STK32B: variants seen among roughly 807,000 people sequenced by gnomAD.
STK32B encodes serine/threonine-protein kinase 32B.
A neutral mutation model predicts 52.6 loss-of-function variants in STK32B; 43 were observed. That is an observed-to-expected ratio of 0.82 (90% confidence interval 0.64 to 1.05). STK32B has a LOEUF of 1.05. STK32B is among the 50% of genes least tolerant of loss of function. The pLI, the probability that STK32B is intolerant of heterozygous loss-of-function variation, is 0.00. For synonymous variants in STK32B, 238 were observed against 204.3 expected (o/e 1.17, Z -1.41); for missense variants, 621 against 534.6 (o/e 1.16, Z -1.59).
At chr4:5,337,983 G>A (rs1372243290) in intron 4 of STK32B, among the ~76,000 whole-genome samples, 1 of 152,162 alleles carries the variant, frequency 6.6e-6, no homozygotes, top group Non-Finnish European at 1.5e-5. Context: ...TCCAGGGAAA[G>A]CCTGGAGTTT....
intron 11 of STK32B, among the ~76,000 whole-genome samples, chr4:5,481,887 A>T (rs967915482): frequency 6.6e-6 from 1 of 152,126 alleles, no homozygotes. Context: ...CAAAGATCCG[A>T]TGGTTGTAGA....
chr4:5,491,218 C>G (rs988993732), intron 11 of STK32B, among the ~76,000 whole-genome samples: 1 of 152,202 alleles, frequency 6.6e-6, no homozygotes, highest in African/African-American at 2.4e-5. Flanking sequence ...TATTTCTCCA[C>G]ATCCTCTCCA....
chr4:5,190,199 G>C (rs17733735), intron 3 of STK32B, among the ~76,000 whole-genome samples: 1 of 152,076 alleles, frequency 6.6e-6, no homozygotes, highest in Non-Finnish European at 1.5e-5. Context: ...TCTGATTCAG[G>C]GTAAGTTTGT....
the STK32B span, among the ~76,000 whole-genome samples, chr4:5,021,698 C>G: frequency 6.6e-6 from 1 of 152,168 alleles, no homozygotes; most frequent in African/African-American, 2.4e-5. Context: ...CTTGTTCCAC[C>G]CGCAATACCG....
At chr4:5,314,753 A>G (rs1730550449) in intron 3 of STK32B, among the ~76,000 whole-genome samples, 1 of 152,188 alleles carries the variant, frequency 6.6e-6, no homozygotes, top group South Asian at 2.1e-4. Flanking sequence ...CATAGGAGAA[A>G]ATAGATAGAA....
intron 3 of STK32B, among the ~76,000 whole-genome samples, chr4:5,196,390 T>A (rs2108770534): frequency 6.6e-6 from 1 of 150,810 alleles, no homozygotes; most frequent in South Asian, 2.1e-4. Context: ...ATAGTTTTGT[T>A]CTGAACGTAT....
At chr4:5,064,352 A>G (rs1459010745) in intron 1 of STK32B, among the ~76,000 whole-genome samples, 1 of 138,624 alleles carries the variant, frequency 7.2e-6, no homozygotes, top group Non-Finnish European at 1.5e-5. Context: ...TAATTATATT[A>G]CATAAATATA....
At chr4:5,306,077 A>G (rs73089464) in intron 3 of STK32B, among the ~76,000 whole-genome samples, 3,513 of 152,204 alleles carry the variant, frequency 0.023, 123 homozygotes, top group African/African-American at 0.08. Context: ...AGTCCTTGCT[A>G]TAATTTTGAC....
chr4:5,354,809 A>G (rs1355735231), intron 4 of STK32B, among the ~76,000 whole-genome samples: 1 of 152,228 alleles, frequency 6.6e-6, no homozygotes, highest in African/African-American at 2.4e-5. Context: ...TACCCCATAA[A>G]TAGGTCAAAT....
At chr4:5,404,099 TG>T (rs1365502208) in intron 5 of STK32B, among the ~76,000 whole-genome samples, 2 of 152,096 alleles carry the variant, frequency 1.3e-5, no homozygotes, top group Non-Finnish European at 2.9e-5. Flanking sequence ...TGTGAGACAC[TG>T]AGGACACCAG....
At chr4:5,392,316 C>T (rs1400705289) in intron 4 of STK32B, among the ~76,000 whole-genome samples, 8 of 152,042 alleles carry the variant, frequency 5.3e-5, no homozygotes, top group African/African-American at 1.9e-4. Flanking sequence ...ATCCCAGCTA[C>T]TTGGGAAGCT....
intron 3 of STK32B, among the ~76,000 whole-genome samples, chr4:5,176,178 G>T (rs1004737119): frequency 6.6e-6 from 1 of 152,168 alleles, no homozygotes; most frequent in African/African-American, 2.4e-5. Context: ...GGAGTGACCC[G>T]ATTTTCCAGG....
At chr4:5,174,530 G>C (rs933558864) in intron 3 of STK32B, among the ~76,000 whole-genome samples, 3 of 152,180 alleles carry the variant, frequency 2.0e-5, no homozygotes, top group African/African-American at 7.2e-5. Context: ...TTGTTTGTCT[G>C]TGAATTATTT....
At chr4:5,257,117 G>A (rs1346676386) in intron 3 of STK32B, among the ~76,000 whole-genome samples, 4 of 152,176 alleles carry the variant, frequency 2.6e-5, no homozygotes, top group African/African-American at 9.7e-5. Flanking sequence ...ACAAGTGAAC[G>A]TGAGGGTGAA....
At chr4:5,176,387 G>A (rs932694327) in intron 3 of STK32B, among the ~76,000 whole-genome samples, 11 of 150,272 alleles carry the variant, frequency 7.3e-5, no homozygotes, top group African/African-American at 1.5e-4. Context: ...GGTCTTCTGC[G>A]TTGCTTACAT....
chr4:5,424,049 C>T (rs1032284293), intron 6 of STK32B, among the ~76,000 whole-genome samples: 6 of 152,246 alleles, frequency 3.9e-5, no homozygotes, highest in Admixed American at 1.3e-4. Flanking sequence ...TGCCTGGACT[C>T]GCCCTGCTCC....
intron 1 of STK32B, among the ~76,000 whole-genome samples, chr4:5,074,188 A>ATATATGTGTGTGTGTGTGTGTGTG (rs375845988): frequency 9.3e-4 from 139 of 148,896 alleles, no homozygotes; most frequent in African/African-American, 2.7e-3. Context: ...AAATATATAT[A>ATATATGTGTGTGTGTGTGTGTGTG]TGTGTGTGTG....
chr4:5,210,645 G>A (rs1159567147), intron 3 of STK32B, among the ~76,000 whole-genome samples: 7 of 152,080 alleles, frequency 4.6e-5, no homozygotes, highest in Non-Finnish European at 1.0e-4. Context: ...ACTGTTATGA[G>A]CCCTGCCCTA....
intron 4 of STK32B, among the ~76,000 whole-genome samples, chr4:5,334,159 G>A (rs1732467380): frequency 6.6e-6 from 1 of 151,894 alleles, no homozygotes; most frequent in Non-Finnish European, 1.5e-5. Flanking sequence ...TCATTGAGCA[G>A]TGGTTTGTAG....
Sources: gnomAD v4.1 joint callset for allele counts (sites outside exome capture counted in the v4.1 genomes callset) on GRCh38, gnomAD v4.1.1 for gene constraint, MANE v1.5 for transcripts, NCBI Gene and HGNC (gene_info 2026-07-23, HGNC 2026-07-21) for gene names.